The following DST variants were observed in gnomAD, a reference collection of about 807,000 sequenced individuals.
DST encodes dystonin, also known as bullous pemphigoid antigen.
Under a neutral mutation model 875.2 loss-of-function variants are expected in DST, and 253 were observed. The ratio of observed to expected loss-of-function variants is 0.29; its 90% CI spans 0.26 to 0.32. The LOEUF is 0.32. Among genes scored for constraint, DST ranks in the 10% least tolerant of loss-of-function variants. The pLI is 1.00. For missense variants in DST, 8,287 were observed against 9,111.6 expected (o/e 0.91, Z 3.68); for synonymous variants, 3,124 against 3,197.1 (o/e 0.98, Z 0.77).
rs1237270893 is a variant in DST at position 56,482,673 on chromosome 6, TG to T, written c.21402+9del. On this transcript the variant is annotated intron_variant, in intron 89 of 103. Transcript: ENST00000680361. ...CCATTACACCCAGCTCTCATTTACA[TG>T]GTTTTTACCTGACGCAGGGCTGCTT... 1 of 1,606,928 alleles carries T rather than the reference TG, an allele frequency of 6.2e-7. No homozygotes were observed. Among genetic ancestry groups the T allele is most frequent in the Admixed American group, 1.7e-5 (1 of 59,240 alleles).
chr6:56,788,707 G>C (rs1411283465), intron 4 of DST, among the ~76,000 whole-genome samples: 1 of 152,102 alleles, frequency 6.6e-6, no homozygotes, highest in African/African-American at 2.4e-5. Context: ...TCAATGTCAA[G>C]ATACATTTCT....
intron 5 of DST, among the ~76,000 whole-genome samples, chr6:56,704,778 G>C (rs534089956): frequency 5.9e-5 from 9 of 152,310 alleles, no homozygotes; most frequent in Admixed American, 2.6e-4. Flanking sequence ...CAGGTTCAAG[G>C]ATGCCGAGGA....
chr6:56,773,122 C>T (rs2099670826), intron 4 of DST, among the ~76,000 whole-genome samples: 2 of 152,026 alleles, frequency 1.3e-5, no homozygotes, highest in Admixed American at 1.3e-4. Context: ...CCTTGACTGC[C>T]ACCTGATGGG....
rs1337582788 is a variant in DST, at chr6:56,606,569, A to C, written c.8059T>G (p.Cys2687Gly). 6.2e-7 allele frequency: 1 copy of C among 1,613,542 alleles called. No individual in the cohort carries two copies. Among genetic ancestry groups the C allele is most frequent in the Non-Finnish European group, 8.5e-7 (1 of 1,179,592 alleles). The change falls in exon 40 of 104, where the codon TGT becomes GGT. Residue 2687 changes from cysteine to glycine, a missense_variant. By Grantham distance (159) the Cys-to-Gly change is radical. Coordinates refer to ENST00000680361, the MANE Select transcript of DST (RefSeq NM_001374736.1). ...ACATCCATAAGGAAATCCTGAAGAC[A>C]ATGTGCTTTGTTCTTCACACTTAAG... ...GSLSVKNKAH[C>G]LQDFLMDVEK...
chr6:56,756,791 T>C (rs1589719666), intron 4 of DST, among the ~76,000 whole-genome samples: 2 of 152,130 alleles, frequency 1.3e-5, no homozygotes, highest in South Asian at 4.1e-4. Flanking sequence ...GTGAAACTCA[T>C]AAAGATGACT....
At chr6:56,707,804 G>T (rs2099347222) in intron 5 of DST, among the ~76,000 whole-genome samples, 1 of 152,130 alleles carries the variant, frequency 6.6e-6, no homozygotes, top group African/African-American at 2.4e-5. Context: ...GTATTTATGT[G>T]ACAACAAAGG....
intron 88 of DST, chr6:56,484,361 C>T (rs570229128): frequency 1.3e-5 from 2 of 151,750 alleles, no homozygotes; most frequent in South Asian, 4.2e-4. Flanking sequence ...GTTTGTTTCA[C>T]TTTTCAGGTG....
intron 5 of DST, among the ~76,000 whole-genome samples, chr6:56,713,991 C>G (rs1043539149): frequency 2.0e-5 from 3 of 152,138 alleles, no homozygotes; most frequent in Middle Eastern, 3.2e-3. Context: ...ATGATCAAGA[C>G]AACTGACAAA....
At chr6:56,582,089 G>C (rs924817560) in intron 49 of DST, among the ~76,000 whole-genome samples, 5 of 151,528 alleles carry the variant, frequency 3.3e-5, no homozygotes, top group African/African-American at 1.2e-4. Context: ...TCTCTCTCTT[G>C]GATTGTTGAA....
chr6:56,625,645 G>A (rs1398997301), intron 34 of DST, among the ~76,000 whole-genome samples: 1 of 151,304 alleles, frequency 6.6e-6, no homozygotes, highest in African/African-American at 2.4e-5. Context: ...TGTTCAGTAT[G>A]TAATACTTGG....
chr6:56,704,145 T>A (rs1239533382), intron 6 of DST, 135 bp downstream of exon 6: 1 of 474,298 alleles, frequency 2.1e-6, no homozygotes, highest in African/African-American at 2.0e-5. Flanking sequence ...TAACCAAAAC[T>A]TCTTTTTCAG....
At chr6:56,595,699 G>A (rs2098363890) in intron 47 of DST, among the ~76,000 whole-genome samples, 1 of 152,110 alleles carries the variant, frequency 6.6e-6, no homozygotes, top group African/African-American at 2.4e-5. Flanking sequence ...CCGCCACCTA[G>A]TGGGCACATA....
At position 56,642,315 on chromosome 6, in the gene DST, G is replaced by A. The variant is rs140981770; in HGVS notation, c.1872+95C>T. The A allele has an allele frequency of 1.3e-4, 126 of 993,540 alleles. 1 individual carries two copies. The highest frequency in any genetic ancestry group is 1.9e-4 in the Non-Finnish European group (117 of 621,902). 61.5% of individuals were successfully genotyped at this position (993,540 alleles called of 1,614,324 possible). A position where few individuals can be genotyped will look rare whatever the true frequency, so the allele number is the denominator to read the frequency against. On this transcript the variant is annotated intron_variant, in intron 16 of 103. Transcript: ENST00000680361. ...TTTAAGTTTCAGTGGAGAGTATTAC[G>A]AAGAATCAACCAAACATTATGTAAA...
At chr6:56,849,000 C>T (rs1763543511) in intron 4 of DST, among the ~76,000 whole-genome samples, 1 of 151,982 alleles carries the variant, frequency 6.6e-6, no homozygotes, top group Non-Finnish European at 1.5e-5. Flanking sequence ...GATTATGCCA[C>T]TGCACTCCAG....
At chr6:56,630,544 TAG>T (rs2098769788) in intron 30 of DST, among the ~76,000 whole-genome samples, 161 bp from the exon 31 acceptor site, 1 of 152,208 alleles carries the variant, frequency 6.6e-6, no homozygotes, top group South Asian at 2.1e-4. Flanking sequence ...TTCTTCTTAA[TAG>T]AGAGTATGTG....
chr6:56,618,183 T>C, intron 36 of DST: 2 of 1,614,188 alleles, frequency 1.2e-6, no homozygotes, highest in Non-Finnish European at 1.7e-6. Flanking sequence ...CACTGCTGGC[T>C]TTTCTCTTTC....
intron 4 of DST, among the ~76,000 whole-genome samples, chr6:56,847,678 C>A (rs2099808638): frequency 6.6e-6 from 1 of 152,174 alleles, no homozygotes; most frequent in African/African-American, 2.4e-5. Context: ...AGTGGCACTT[C>A]CTCTCAGAAA....
At chr6:56,484,123 AGAG>A (rs1166434486) in intron 88 of DST, 4 of 152,174 alleles carry the variant, frequency 2.6e-5, no homozygotes, top group African/African-American at 9.6e-5. Context: ...GCAATTACCT[AGAG>A]TAGTAAATAT....
At chr6:56,663,014 T>G (rs993762063) in intron 10 of DST, among the ~76,000 whole-genome samples, 4 of 152,098 alleles carry the variant, frequency 2.6e-5, no homozygotes, top group African/African-American at 9.7e-5. Context: ...AATGGGAGGC[T>G]TCATATTACA....
Sources: gnomAD v4.1 joint callset for allele counts (sites outside exome capture counted in the v4.1 genomes callset) on GRCh38, gnomAD v4.1.1 for gene constraint, MANE v1.5 for transcripts, NCBI Gene and HGNC (gene_info 2026-07-23, HGNC 2026-07-21) for gene names.